The following DGKK variants were observed in gnomAD, a reference collection of about 807,000 sequenced individuals.
The protein encoded by DGKK is diacylglycerol kinase kappa.
DGKK carries 35 observed loss-of-function variants against 92.2 expected under a neutral mutation model. The observed-to-expected ratio is 0.38, with a 90% CI of 0.29 to 0.50. The LOEUF (loss-of-function observed/expected upper bound fraction) is 0.50. Among genes scored for constraint, DGKK ranks in the 20% least tolerant of loss-of-function variants. The pLI is 0.92. For missense variants in DGKK, 910 were observed against 992.2 expected (o/e 0.92, Z 1.11); for synonymous variants, 368 against 360.6 (o/e 1.02, Z -0.23).
intron 1 of DGKK, among the ~76,000 whole-genome samples, chrX:50,438,291 C>A (rs569248893): frequency 9.0e-5 from 10 of 111,693 alleles, no homozygotes; most frequent in Middle Eastern, 4.6e-3. Context: ...CTGATATCTA[C>A]ACCTTTTCTG....
intron 1 of DGKK, among the ~76,000 whole-genome samples, chrX:50,432,690 T>C (rs1925918970): frequency 8.9e-6 from 1 of 112,706 alleles, no homozygotes; most frequent in Non-Finnish European, 1.9e-5. Context: ...TCTGAGTACA[T>C]TGATAAAATA....
At chrX:50,403,393 C>G (rs889466481) in intron 6 of DGKK, 98 bp downstream of exon 6, 6 of 924,599 alleles carry the variant, frequency 6.5e-6, no homozygotes, top group African/African-American at 2.0e-5. Flanking sequence ...TAGGACTTTG[C>G]TTATCTGGAG....
At chrX:50,435,640 C>G (rs1925999208) in intron 1 of DGKK, among the ~76,000 whole-genome samples, 1 of 111,012 alleles carries the variant, frequency 9.0e-6, no homozygotes, top group Non-Finnish European at 1.9e-5. Flanking sequence ...CTTCTTGCAG[C>G]AGTGGTGGTC....
intron 8 of DGKK, among the ~76,000 whole-genome samples, chrX:50,396,721 C>T (rs1924864031): frequency 9.0e-6 from 1 of 111,468 alleles, no homozygotes; most frequent in Non-Finnish European, 1.9e-5. Context: ...ATCTGAATTT[C>T]AGCAAGGCCA....
chrX:50,434,933 A>ATC (rs1925982002), intron 1 of DGKK, among the ~76,000 whole-genome samples: 1 of 111,986 alleles, frequency 8.9e-6, no homozygotes, highest in South Asian at 3.8e-4. Flanking sequence ...AGGCCATTTC[A>ATC]TCATTGTGCT....
chrX:50,443,657 C>A (rs1557231465), intron 1 of DGKK, among the ~76,000 whole-genome samples: 1 of 109,864 alleles, frequency 9.1e-6, no homozygotes. Flanking sequence ...GACATTGGTA[C>A]AATCCATAGA....
intron 4 of DGKK, among the ~76,000 whole-genome samples, chrX:50,416,844 T>C (rs1925447704): frequency 9.0e-6 from 1 of 111,325 alleles, no homozygotes; most frequent in Non-Finnish European, 1.9e-5. Flanking sequence ...TCTATACGAT[T>C]CAGTTGTCTA....
chrX:50,370,593 A>C, intron 26 of DGKK, 44 bp from the exon 27 acceptor site: 1 of 1,159,978 alleles, frequency 8.6e-7, no homozygotes, highest in Non-Finnish European at 1.2e-6. Context: ...GTTGCCTAAT[A>C]TTCAAAGATA....
chrX:50,417,645 C>T (rs1295225521), intron 4 of DGKK, among the ~76,000 whole-genome samples: 1 of 110,830 alleles, frequency 9.0e-6, no homozygotes, highest in Non-Finnish European at 1.9e-5. Flanking sequence ...TCTCCCCCAC[C>T]CCTAACTCAG....
chrX:50,371,922 T>A, intron 25 of DGKK, 88 bp from the exon 26 acceptor site: 2 of 563,013 alleles, frequency 3.6e-6, no homozygotes, highest in Non-Finnish European at 5.7e-6. Context: ...TCCCTGCTAG[T>A]GACCAAGAGA....
intron 13 of DGKK, 69 bp downstream of exon 13, chrX:50,388,458 G>A (rs1438476815): frequency 7.5e-6 from 6 of 799,085 alleles, no homozygotes; most frequent in African/African-American, 2.1e-5. Flanking sequence ...AACACCCTCA[G>A]CTATCAAAAT....
rs781899327 is a variant in DGKK, at chrX:50,384,272, CAA to C, written c.2453-10_2453-9del. ...AAGTGCCACGACGAGAACCTAGACACAAAAGACATCACTTGGGTGACGGATAC... is the reference window on the plus strand; with the variant it reads ...AAGTGCCACGACGAGAACCTAGACACAAGACATCACTTGGGTGACGGATAC... On this transcript the variant is annotated splice_polypyrimidine_tract_variant and intron_variant, in intron 16 of 27. Transcript: ENST00000611977. 1.8e-6 allele frequency: 2 copies of C among 1,114,742 alleles called. No individual in the cohort carries two copies. Among genetic ancestry groups the C allele is most frequent in the Non-Finnish European group, 2.4e-6 (2 of 827,761 alleles). The allele number at this position is 1,114,742 out of a possible 1,213,427, so 91.9% of individuals were successfully genotyped here.
intron 7 of DGKK, among the ~76,000 whole-genome samples, chrX:50,402,078 G>C (rs1188472122): frequency 9.0e-6 from 1 of 111,330 alleles, no homozygotes; most frequent in Non-Finnish European, 1.9e-5. Flanking sequence ...CCCCAGTTGA[G>C]GACCACTGGT....
intron 1 of DGKK, among the ~76,000 whole-genome samples, chrX:50,431,116 C>G (rs933074060): frequency 9.0e-6 from 1 of 110,816 alleles, no homozygotes; most frequent in Non-Finnish European, 1.9e-5. Flanking sequence ...ACTGTAACCT[C>G]AAACTCCTGT....
chrX:50,442,143 T>C (rs1029971414), intron 1 of DGKK, among the ~76,000 whole-genome samples: 1 of 111,617 alleles, frequency 9.0e-6, no homozygotes, highest in Non-Finnish European at 1.9e-5. Flanking sequence ...CTAAAAAATA[T>C]GTGAAATGCA....
chrX:50,422,243 T>C (rs1385112889), intron 3 of DGKK, among the ~76,000 whole-genome samples: 1 of 111,816 alleles, frequency 8.9e-6, no homozygotes, highest in Non-Finnish European at 1.9e-5. Flanking sequence ...CTTAGCTTTA[T>C]ACTGGTAATA....
chrX:50,406,791 T>A (rs1339418236), intron 4 of DGKK, among the ~76,000 whole-genome samples: 1 of 112,010 alleles, frequency 8.9e-6, no homozygotes, highest in Non-Finnish European at 1.9e-5. Flanking sequence ...GACAGCAAGT[T>A]GCTGTTGGTT....
chrX:50,432,195 G>C (rs1413615884), intron 1 of DGKK, among the ~76,000 whole-genome samples: 1 of 111,959 alleles, frequency 8.9e-6, no homozygotes, highest in East Asian at 2.8e-4. Context: ...TACCACGCAG[G>C]TCTGCAAGGA....
At chrX:50,442,719 G>A (rs1332308080) in intron 1 of DGKK, among the ~76,000 whole-genome samples, 2 of 111,565 alleles carry the variant, frequency 1.8e-5, no homozygotes, top group Non-Finnish European at 3.8e-5. Flanking sequence ...CTGTAGGTTA[G>A]AGGCTCAGGC....
Sources: allele counts gnomAD v4.1 joint callset (sites outside exome capture counted in the v4.1 genomes callset), GRCh38; gene constraint gnomAD v4.1.1; transcripts MANE v1.5; gene names NCBI Gene and HGNC (gene_info 2026-07-23, HGNC 2026-07-21).